Variants in BCAS3 observed in about 807,000 individuals in gnomAD.
BCAS3 encodes the protein BCAS3 microtubule associated cell migration factor, also known as BCAS4/BCAS3 fusion.
A neutral mutation model predicts 116.1 loss-of-function variants in BCAS3; 53 were observed. That is an observed-to-expected ratio of 0.46 (90% CI 0.37 to 0.57). The LOEUF (loss-of-function observed/expected upper bound fraction) is 0.57, where lower values mean the gene tolerates loss of function less well. Among genes scored for constraint, BCAS3 ranks in the 20% least tolerant of loss-of-function variants. The probability of loss-of-function intolerance (pLI) is 0.00; values close to 1 mark genes in which losing one functional copy is unlikely to be tolerated. For synonymous variants in BCAS3, 391 were observed against 408.2 expected (o/e 0.96, Z 0.51); for missense variants, 917 against 1,165.4 (o/e 0.79, Z 3.10).
At chr17:61,059,290 G>A (rs2143283546) in intron 19 of BCAS3, among the ~76,000 whole-genome samples, 1 of 151,846 alleles carries the variant, frequency 6.6e-6, no homozygotes, top group African/African-American at 2.4e-5. Context: ...CACTGTGTTA[G>A]CCAGGATGGT....
chr17:61,262,380 G>A (rs2049281429), intron 22 of BCAS3, among the ~76,000 whole-genome samples: 1 of 49,702 alleles, frequency 2.0e-5, no homozygotes, highest in Non-Finnish European at 3.8e-5. Context: ...TAGATAGGGA[G>A]ACTTTTTTTT....
At chr17:61,353,099 G>A (rs901021683) in intron 22 of BCAS3, among the ~76,000 whole-genome samples, 13 of 152,124 alleles carry the variant, frequency 8.5e-5, no homozygotes, top group African/African-American at 2.9e-4. Context: ...TAGACAAGCC[G>A]GATGTAACAG....
chr17:61,323,658 C>T lies in BCAS3; in HGVS notation c.2426-44669C>T, dbSNP rs1324849132. On this transcript the variant is annotated intron_variant, in intron 22 of 23. Coordinates refer to ENST00000407086, the MANE Select transcript of BCAS3 (RefSeq NM_017679.5). This position sits in a 1 kb window ranked among gnomAD's most constrained non-coding sequence, Gnocchi z 4.6. ...AATTGGTGACCAAGGGTCTCCAGTT[C>T]CTTCCTCCATATGGCATCTCTGTCA... Among the ~76,000 whole-genome samples the T allele has an allele frequency of 6.6e-6, 1 of 152,158 alleles. No homozygotes were observed. Among genetic ancestry groups the T allele is most frequent in the Non-Finnish European group, 1.5e-5 (1 of 68,022 alleles).
chr17:61,375,935 A>C (rs2059317023), intron 23 of BCAS3, among the ~76,000 whole-genome samples: 1 of 152,238 alleles, frequency 6.6e-6, no homozygotes, highest in Non-Finnish European at 1.5e-5. Context: ...TAATTGATTT[A>C]TCAGTATTCG....
At chr17:61,120,647 T>C (rs1158496101) in intron 22 of BCAS3, among the ~76,000 whole-genome samples, 3 of 152,156 alleles carry the variant, frequency 2.0e-5, no homozygotes, top group Admixed American at 1.3e-4. Context: ...CCATATTATT[T>C]TGAAGCAAAT....
intron 6 of BCAS3, among the ~76,000 whole-genome samples, chr17:60,749,647 T>C (rs1184936757): frequency 6.6e-6 from 1 of 152,232 alleles, no homozygotes; most frequent in Non-Finnish European, 1.5e-5. Flanking sequence ...TGTGGCTTAC[T>C]ATTACTTCTA....
Position 61,249,429 on chromosome 17 carries a change from AT to A in BCAS3, c.2426-118894del, listed in dbSNP as rs2144539281. Among the ~76,000 whole-genome samples the A allele has an allele frequency of 6.6e-6, 1 of 152,320 alleles. No individual in the cohort carries two copies. The highest frequency in any genetic ancestry group is 1.9e-4 in the East Asian group (1 of 5,192). The stretch of plus-strand genomic sequence containing the variant: ...CCTTAAACTAGGATGAGAAAAGTTA[AT>A]TTTAATCCTCCAAAGGCTTATTTGC... On this transcript the variant is annotated intron_variant, in intron 22 of 23. Coordinates refer to ENST00000407086, the MANE Select transcript of BCAS3 (RefSeq NM_017679.5). The surrounding 1 kb of genome is among the most constrained non-coding windows in gnomAD (Gnocchi z 6.2).
chr17:61,310,553 C>CAAAA (rs374976012), intron 22 of BCAS3, among the ~76,000 whole-genome samples: 1 of 97,154 alleles, frequency 1.0e-5, no homozygotes. Context: ...GACTCTGTCT[C>CAAAA]AAAAAAAAAA....
intron 11 of BCAS3, among the ~76,000 whole-genome samples, chr17:60,904,955 G>A (rs1459681111): frequency 6.6e-6 from 1 of 152,166 alleles, no homozygotes; most frequent in Non-Finnish European, 1.5e-5. Context: ...AATAAGCAAA[G>A]TCAGATTATG....
chr17:61,214,537 A>G lies in BCAS3; in HGVS notation c.2425+129973A>G, dbSNP rs997130645. ...GTCTCTACTAAAAATACCAAAAAAA[A>G]AAAATTAGCTGGGCGTGGCGGCGGG... On this transcript the variant is annotated intron_variant, in intron 22 of 23. Coordinates refer to ENST00000407086, the MANE Select transcript of BCAS3 (RefSeq NM_017679.5). This position sits in a 1 kb window ranked among gnomAD's most constrained non-coding sequence, Gnocchi z 4.4. 3.3e-5 allele frequency among the ~76,000 whole-genome samples: 5 copies of G among 151,722 alleles called. No individual in the cohort carries two copies. Among genetic ancestry groups the G allele is most frequent in the Admixed American group, 3.3e-4 (5 of 15,232 alleles).
intron 22 of BCAS3, among the ~76,000 whole-genome samples, chr17:61,150,689 A>G (rs1349818257): frequency 6.6e-6 from 1 of 152,208 alleles, no homozygotes; most frequent in African/African-American, 2.4e-5. Context: ...ATAACTTCTC[A>G]TAATTAGATT....
Position 60,679,560 on chromosome 17 carries a change from A to G in BCAS3, c.83+20A>G, listed in dbSNP as rs778314330. On this transcript the variant is annotated intron_variant, in intron 2 of 23. Coordinates refer to ENST00000407086, the MANE Select transcript of BCAS3 (RefSeq NM_017679.5). The stretch of plus-strand genomic sequence containing the variant: ...TGTCACGTAAGCACATTTCAGATAA[A>G]CCCAATAGCTGAAGAAAAGATTACT... 6.4e-6 allele frequency: 10 copies of G among 1,565,806 alleles called. No homozygotes were observed. The highest frequency in any genetic ancestry group is 8.8e-6 in the Non-Finnish European group (10 of 1,138,748).
At chr17:60,846,361 A>T (rs1198434317) in intron 7 of BCAS3, among the ~76,000 whole-genome samples, 2 of 152,208 alleles carry the variant, frequency 1.3e-5, no homozygotes, top group Admixed American at 1.3e-4. Context: ...GTTTAATAGC[A>T]TCACCAAGTT....
intron 6 of BCAS3, among the ~76,000 whole-genome samples, chr17:60,760,270 T>G (rs2043393823): frequency 6.6e-6 from 1 of 152,170 alleles, no homozygotes; most frequent in African/African-American, 2.4e-5. Context: ...CTCCCTTATT[T>G]GTGTGTTTGG....
At chr17:60,835,728 G>T (rs1024152362) in intron 7 of BCAS3, among the ~76,000 whole-genome samples, 1 of 152,094 alleles carries the variant, frequency 6.6e-6, no homozygotes, top group African/African-American at 2.4e-5. Context: ...AAGGTTAAAT[G>T]AAATAGTACT....
chr17:61,239,862 T>C lies in BCAS3; in HGVS notation c.2426-128465T>C, dbSNP rs1035859163. ...TATTACTATTTTAATCAAATGGCTTTACAACTTGACCTTTTAAATGTGAAT... is the reference window on the plus strand; with the variant it reads ...TATTACTATTTTAATCAAATGGCTTCACAACTTGACCTTTTAAATGTGAAT... On this transcript the variant is annotated intron_variant, in intron 22 of 23. Coordinates refer to ENST00000407086, the MANE Select transcript of BCAS3 (RefSeq NM_017679.5). The surrounding 1 kb of genome is among the most constrained non-coding windows in gnomAD (Gnocchi z 4.2). Among the ~76,000 whole-genome samples, 34 of 152,362 alleles carry C rather than the reference T, an allele frequency of 2.2e-4. No homozygotes were observed. The highest frequency in any genetic ancestry group is 7.9e-4 in the African/African-American group (33 of 41,588).
chr17:61,035,312 G>A lies in BCAS3; in HGVS notation c.1762+522G>A, dbSNP rs147447539. 8.5e-3 allele frequency among the ~76,000 whole-genome samples: 1,287 copies of A among 152,180 alleles called. 28 individuals are homozygous for A. The highest frequency in any genetic ancestry group is 0.03 in the African/African-American group (1,226 of 41,524). On this transcript the variant is annotated intron_variant, in intron 17 of 23. Transcript: ENST00000407086. ...TTTTAAAACACAATTAAGGCCAGTC[G>A]CAGTGGCTCACGCCTGTAATCCCAG...
chr17:60,748,401 A>G (rs1173203471), intron 6 of BCAS3, among the ~76,000 whole-genome samples: 2 of 152,166 alleles, frequency 1.3e-5, no homozygotes, highest in South Asian at 2.1e-4. Flanking sequence ...TCTTTCTCAC[A>G]CAATTGATTG....
chr17:60,919,348 A>G (rs561222587), intron 12 of BCAS3, among the ~76,000 whole-genome samples: 1 of 151,720 alleles, frequency 6.6e-6, no homozygotes, highest in East Asian at 1.9e-4. Flanking sequence ...TCTTGAGACG[A>G]AGTCTCGGTC....
Sources: allele counts gnomAD v4.1 joint callset (sites outside exome capture counted in the v4.1 genomes callset), GRCh38; gene constraint gnomAD v4.1.1; non-coding constraint Gnocchi (gnomAD v3.1); transcripts MANE v1.5; gene names NCBI Gene and HGNC (gene_info 2026-07-23, HGNC 2026-07-21).